Variants in FHIP1A observed in about 807,000 individuals in gnomAD.
The protein encoded by FHIP1A is FHF complex subunit HOOK-interacting protein 1A.
In FHIP1A, 61 loss-of-function variants were observed where a neutral mutation model predicts 88.6. The observed-to-expected ratio is 0.69, with a 90% CI of 0.56 to 0.85. The LOEUF is 0.85. Ranked by LOEUF, FHIP1A falls within the 40% of genes least tolerant of loss-of-function variation. The probability of loss-of-function intolerance (pLI) is 0.00; values close to 1 mark genes in which losing one functional copy is unlikely to be tolerated. For missense variants in FHIP1A, 1,154 were observed against 1,273.5 expected (o/e 0.91, Z 1.43); for synonymous variants, 478 against 496.0 (o/e 0.96, Z 0.48).
At chr4:151,622,009 G>A (rs1361029522) in intron 7 of FHIP1A, among the ~76,000 whole-genome samples, 1 of 152,130 alleles carries the variant, frequency 6.6e-6, no homozygotes. Flanking sequence ...TAGTAACAGG[G>A]CTGCTGATTT....
Position 151,662,866 on chromosome 4 carries a change from A to G in FHIP1A, c.*112A>G, listed in dbSNP as rs988643785. On this transcript the variant is annotated 3_prime_UTR_variant, in exon 14 of 14. Coordinates refer to ENST00000435205, the MANE Select transcript of FHIP1A (RefSeq NM_001109977.3). Reference sequence around the variant, plus strand: ...ATTTCTACTTTAATGTTTCCTGACAATACTTGATTTGTGGGGAGGGGAATT... The same window carrying G: ...ATTTCTACTTTAATGTTTCCTGACAGTACTTGATTTGTGGGGAGGGGAATT... 26 of 1,077,544 alleles carry G rather than the reference A, an allele frequency of 2.4e-5. No homozygotes were observed. The African/African-American group carries it at 3.8e-4, about 16-fold the overall frequency. The allele number at this position is 1,077,544 out of a possible 1,614,324, so 66.7% of individuals were successfully genotyped here. A position where few individuals can be genotyped will look rare whatever the true frequency, so the allele number is the denominator to read the frequency against.
At chr4:151,570,351 C>G (rs1470476832) in intron 4 of FHIP1A, among the ~76,000 whole-genome samples, 9 of 152,294 alleles carry the variant, frequency 5.9e-5, no homozygotes, top group Admixed American at 5.9e-4. Context: ...ATCATTTGCT[C>G]TAAGAAACCT....
At chr4:151,617,153 A>T (rs1440440257) in intron 7 of FHIP1A, among the ~76,000 whole-genome samples, 2 of 152,168 alleles carry the variant, frequency 1.3e-5, no homozygotes, top group Non-Finnish European at 2.9e-5. Flanking sequence ...CCTTTCCTGG[A>T]GAAGAATTAT....
chr4:151,463,598 T>C (rs1314030005), intron 2 of FHIP1A, among the ~76,000 whole-genome samples: 1 of 152,228 alleles, frequency 6.6e-6, no homozygotes, highest in Non-Finnish European at 1.5e-5. Flanking sequence ...CCTTCTGTTC[T>C]TTCCTTTTAA....
chr4:151,486,692 C>A (rs979570917), intron 3 of FHIP1A, among the ~76,000 whole-genome samples: 1 of 152,006 alleles, frequency 6.6e-6, no homozygotes, highest in African/African-American at 2.4e-5. Context: ...TCTTGCCGGG[C>A]GTGGTGGCTC....
At chr4:151,485,215 A>G (rs1394166014) in intron 3 of FHIP1A, among the ~76,000 whole-genome samples, 1 of 145,390 alleles carries the variant, frequency 6.9e-6, no homozygotes, top group African/African-American at 2.6e-5. Context: ...TAATTCATCC[A>G]TTTTGGTCTC....
chr4:151,612,951 C>G (rs994316890), intron 7 of FHIP1A, among the ~76,000 whole-genome samples: 1 of 152,152 alleles, frequency 6.6e-6, no homozygotes, highest in African/African-American at 2.4e-5. Context: ...CCTTACTGAC[C>G]GTGCTTCTTT....
At chr4:151,610,252 G>A (rs997216178) in intron 7 of FHIP1A, among the ~76,000 whole-genome samples, 14 of 152,174 alleles carry the variant, frequency 9.2e-5, no homozygotes, top group African/African-American at 3.4e-4. Flanking sequence ...ATGTGTATGA[G>A]TTAACTCTTA....
chr4:151,656,380 C>T lies in FHIP1A; in HGVS notation c.2700C>T (p.Val900=), dbSNP rs1456744556. 1.3e-6 allele frequency: 2 copies of T among 1,551,748 alleles called. No homozygotes were observed. Among genetic ancestry groups the T allele is most frequent in the South Asian group, 1.2e-5 (1 of 84,060 alleles). The stretch of plus-strand genomic sequence containing the variant: ...CCTTTCTGCTCAACACCAACATGGT[C>T]TTCCAGCCAAGCGTCCGCTCTCTCT... The part of the protein sequence containing the change: ...LRSFLLNTNM[V]FQPSVRSLYQ... The change falls in exon 12 of 14, where the codon GTC becomes GTT. Residue 900 remains valine (V), a synonymous_variant. Transcript: ENST00000435205. The surrounding 1 kb of genome is among the most constrained non-coding windows in gnomAD (Gnocchi z 4.2).
rs181886378 is a variant in FHIP1A, at chr4:151,580,761, T to C, written c.732+2685T>C. Reference sequence around the variant, plus strand: ...TTATTCATACATCAGTGGAATACTTTTCAGCATTCAAAGTGTATGAATCAT... The same window carrying C: ...TTATTCATACATCAGTGGAATACTTCTCAGCATTCAAAGTGTATGAATCAT... On this transcript the variant is annotated intron_variant, in intron 5 of 13. Coordinates refer to ENST00000435205, the MANE Select transcript of FHIP1A (RefSeq NM_001109977.3). Among the ~76,000 whole-genome samples, 60 of 152,176 alleles carry C rather than the reference T, an allele frequency of 3.9e-4. No individual in the cohort carries two copies. The East Asian group carries it at 8.1e-3, about 21-fold the overall frequency.
chr4:151,488,209 G>A (rs550440473), intron 3 of FHIP1A, among the ~76,000 whole-genome samples: 2 of 152,268 alleles, frequency 1.3e-5, no homozygotes, highest in South Asian at 2.1e-4. Flanking sequence ...ATCCATATGT[G>A]CAGGTTTGTT....
intron 3 of FHIP1A, among the ~76,000 whole-genome samples, chr4:151,490,015 C>G (rs1375216965): frequency 6.6e-6 from 1 of 152,152 alleles, no homozygotes; most frequent in East Asian, 1.9e-4. Flanking sequence ...GCAGCAAGTG[C>G]TCTCTTGAAA....
intron 2 of FHIP1A, among the ~76,000 whole-genome samples, chr4:151,461,479 G>A (rs1288926975): frequency 2.0e-5 from 3 of 152,096 alleles, no homozygotes; most frequent in African/African-American, 7.2e-5. Context: ...TAGCTAGAAG[G>A]TAAATATTGA....
intron 3 of FHIP1A, among the ~76,000 whole-genome samples, chr4:151,527,084 C>T (rs1267728973): frequency 2.0e-5 from 3 of 151,878 alleles, no homozygotes; most frequent in Non-Finnish European, 2.9e-5. Context: ...AGACGATGGG[C>T]GGCCGGGCAG....
chr4:151,489,402 G>A (rs2126644845), intron 3 of FHIP1A, among the ~76,000 whole-genome samples: 1 of 152,240 alleles, frequency 6.6e-6, no homozygotes, highest in Admixed American at 6.5e-5. Flanking sequence ...GAAACTCCTA[G>A]CTGAACTTTG....
intron 13 of FHIP1A, among the ~76,000 whole-genome samples, chr4:151,659,003 A>G (rs1379829558): frequency 6.6e-6 from 1 of 151,986 alleles, no homozygotes; most frequent in Non-Finnish European, 1.5e-5. Flanking sequence ...TAACCCCTAC[A>G]TTCAGGGAAG....
chr4:151,598,805 G>T (rs1734749208), intron 7 of FHIP1A, among the ~76,000 whole-genome samples: 1 of 152,162 alleles, frequency 6.6e-6, no homozygotes, highest in South Asian at 2.1e-4. Context: ...TCTGGAAACT[G>T]AATGTTTTCT....
At chr4:151,602,281 A>G (rs970708438) in intron 7 of FHIP1A, among the ~76,000 whole-genome samples, 1 of 152,222 alleles carries the variant, frequency 6.6e-6, no homozygotes, top group Admixed American at 6.5e-5. Context: ...TATCATAACT[A>G]TTGCAGGACA....
At chr4:151,564,627 TG>T (rs1171918662) in intron 3 of FHIP1A, among the ~76,000 whole-genome samples, 5 of 152,298 alleles carry the variant, frequency 3.3e-5, no homozygotes, top group Non-Finnish European at 7.4e-5. Context: ...AAAACAAGTT[TG>T]TAGTATTTGG....
Sources: gnomAD v4.1 joint callset for allele counts (sites outside exome capture counted in the v4.1 genomes callset) on GRCh38, gnomAD v4.1.1 for gene constraint, Gnocchi (gnomAD v3.1) non-coding constraint, MANE v1.5 for transcripts, NCBI Gene and HGNC (gene_info 2026-07-23, HGNC 2026-07-21) for gene names.